TRAPPC9: variants seen among roughly 807,000 people sequenced by gnomAD.
The protein encoded by TRAPPC9 is trafficking protein particle complex subunit 9.
In TRAPPC9, 83 loss-of-function variants were observed where a neutral mutation model predicts 124.0. The ratio of observed to expected loss-of-function variants is 0.67; its 90% CI spans 0.56 to 0.80. The LOEUF (loss-of-function observed/expected upper bound fraction) is 0.80. Ranked by LOEUF, TRAPPC9 falls within the 30% of genes least tolerant of loss-of-function variation. The pLI, the probability that TRAPPC9 is intolerant of heterozygous loss-of-function variation, is 0.00. For synonymous variants in TRAPPC9, 638 were observed against 617.5 expected, an observed-to-expected ratio of 1.03 and a Z score of -0.49; for missense variants, 1,302 against 1,508.3, an observed-to-expected ratio of 0.86 and a Z score of 2.27.
intron 21 of TRAPPC9, among the ~76,000 whole-genome samples, chr8:139,820,007 C>CAAAAAAAA (rs35064399): frequency 3.9e-5 from 2 of 51,822 alleles, no homozygotes; most frequent in African/African-American, 8.1e-5. Context: ...GACTCTGTCT[C>CAAAAAAAA]AAAAAAAAAA....
At chr8:139,828,213 C>T (rs186653182) in intron 21 of TRAPPC9, among the ~76,000 whole-genome samples, 2,665 of 152,308 alleles carry the variant, frequency 0.017, 82 homozygotes, top group African/African-American at 0.061. Context: ...AGTGTGCCCA[C>T]ATGACGCCTG....
intron 17 of TRAPPC9, among the ~76,000 whole-genome samples, chr8:140,029,773 A>G (rs550391460): frequency 4.0e-4 from 61 of 152,004 alleles, no homozygotes; most frequent in African/African-American, 1.4e-3. Flanking sequence ...AAAAAAGGAG[A>G]AAACTTTCCC....
At chr8:139,965,684 C>T (rs537071179) in intron 19 of TRAPPC9, among the ~76,000 whole-genome samples, 81 of 152,360 alleles carry the variant, frequency 5.3e-4, no homozygotes, top group Admixed American at 2.6e-3. Flanking sequence ...ACCTCTGCTT[C>T]CCTGTTCCAG....
chr8:140,157,026 T>TCCATTCAAAAGCCTCCCTTTC (rs2061651480), intron 17 of TRAPPC9, among the ~76,000 whole-genome samples: 1 of 100,020 alleles, frequency 1.0e-5, no homozygotes, highest in Non-Finnish European at 2.0e-5. Flanking sequence ...GCCTCCCTTT[T>TCCATTCAAAAGCCTCCCTTTC]CCATTCAAAA....
intron 9 of TRAPPC9, among the ~76,000 whole-genome samples, chr8:140,337,720 G>A (rs746600055): frequency 5.9e-5 from 9 of 152,176 alleles, no homozygotes; most frequent in South Asian, 2.1e-4. Flanking sequence ...CGTGATCAGC[G>A]GTGCTGTGAG....
At chr8:140,393,722 G>A (rs1483572766) in intron 7 of TRAPPC9, among the ~76,000 whole-genome samples, 1 of 152,100 alleles carries the variant, frequency 6.6e-6, no homozygotes, top group Admixed American at 6.5e-5. Flanking sequence ...GTCATTTCCA[G>A]GAATAGATAC....
chr8:140,436,637 G>A (rs1403517947), intron 3 of TRAPPC9, among the ~76,000 whole-genome samples: 1 of 152,136 alleles, frequency 6.6e-6, no homozygotes, highest in Admixed American at 6.5e-5. Context: ...TTCTCTGTGT[G>A]CCCTTTAGGA....
chr8:139,941,340 G>A (rs987037833), intron 19 of TRAPPC9, among the ~76,000 whole-genome samples: 21 of 152,236 alleles, frequency 1.4e-4, no homozygotes, highest in African/African-American at 4.1e-4. Flanking sequence ...CTGGAGGGCC[G>A]GCAGCCCCTA....
At chr8:140,239,323 T>C (rs1334838757) in intron 16 of TRAPPC9, among the ~76,000 whole-genome samples, 1 of 152,020 alleles carries the variant, frequency 6.6e-6, no homozygotes, top group Non-Finnish European at 1.5e-5. Flanking sequence ...GAACAAAGTG[T>C]AAGAGGGCCT....
At chr8:140,371,206 G>C in intron 7 of TRAPPC9, 26 bp from the exon 8 acceptor site, 1 of 1,578,846 alleles carries the variant, frequency 6.3e-7, no homozygotes, top group Middle Eastern at 1.7e-4. Flanking sequence ...AAAGTAAAAA[G>C]CTTTTGAAAG....
chr8:140,225,234 T>C (rs931853314), intron 16 of TRAPPC9, among the ~76,000 whole-genome samples: 5 of 152,184 alleles, frequency 3.3e-5, no homozygotes, highest in Admixed American at 6.5e-5. Flanking sequence ...ATGCCCCTCA[T>C]AGTAGCTGAT....
intron 3 of TRAPPC9, among the ~76,000 whole-genome samples, chr8:140,438,349 T>G (rs960821755): frequency 6.6e-6 from 1 of 152,248 alleles, no homozygotes; most frequent in African/African-American, 2.4e-5. Context: ...TCACTCCTTT[T>G]CATGGCTGAA....
intron 15 of TRAPPC9, among the ~76,000 whole-genome samples, chr8:140,261,396 A>G (rs2064406118): frequency 1.3e-5 from 2 of 152,340 alleles, no homozygotes; most frequent in South Asian, 4.1e-4. Flanking sequence ...TCGGGGCTAC[A>G]GGAGAAGCCC....
intron 9 of TRAPPC9, among the ~76,000 whole-genome samples, chr8:140,312,939 G>T (rs2131891549): frequency 6.6e-6 from 1 of 151,802 alleles, no homozygotes; most frequent in East Asian, 1.9e-4. Flanking sequence ...TTTTAATTTT[G>T]GGTAGAGATG....
rs1008007197 is a variant in TRAPPC9 at position 139,727,781 on chromosome 8, T to G, written c.*3280A>C. On this transcript the variant is annotated 3_prime_UTR_variant, in exon 23 of 23. Transcript: ENST00000438773. ...CACTCCATCAGCATTTCCTGTCCCA[T>G]TTCAGCACCTGTGTTAGAAAGTTCT... Among the ~76,000 whole-genome samples, 3 of 152,216 alleles carry G rather than the reference T, an allele frequency of 2.0e-5. No homozygotes were observed. Among genetic ancestry groups the G allele is most frequent in the African/African-American group, 7.2e-5 (3 of 41,454 alleles).
intron 17 of TRAPPC9, among the ~76,000 whole-genome samples, chr8:140,195,397 T>A (rs2062623672): frequency 6.6e-6 from 1 of 151,834 alleles, no homozygotes; most frequent in Non-Finnish European, 1.5e-5. Context: ...CACTCAATGA[T>A]CCATTGTACA....
intron 9 of TRAPPC9, among the ~76,000 whole-genome samples, chr8:140,348,598 A>G (rs957858930): frequency 1.3e-5 from 2 of 152,210 alleles, no homozygotes; most frequent in Non-Finnish European, 2.9e-5. Flanking sequence ...ACAACCTGAA[A>G]AGCAAGCAAG....
intron 21 of TRAPPC9, among the ~76,000 whole-genome samples, chr8:139,831,603 G>A (rs1035925678): frequency 1.3e-5 from 2 of 152,144 alleles, no homozygotes; most frequent in African/African-American, 4.8e-5. Context: ...CCCGCTGGGT[G>A]CCCCACAGCC....
At chr8:139,750,677 C>G (rs1324182531) in intron 21 of TRAPPC9, among the ~76,000 whole-genome samples, 1 of 152,198 alleles carries the variant, frequency 6.6e-6, no homozygotes, top group Non-Finnish European at 1.5e-5. Flanking sequence ...TGCGGCTTCT[C>G]TAAATGAGCT....
Sources: gnomAD v4.1 joint callset for allele counts (sites outside exome capture counted in the v4.1 genomes callset) on GRCh38, gnomAD v4.1.1 for gene constraint, MANE v1.5 for transcripts, NCBI Gene and HGNC (gene_info 2026-07-23, HGNC 2026-07-21) for gene names.